The following UNC5D variants were observed in gnomAD, a reference collection of about 807,000 sequenced individuals.
The protein encoded by UNC5D is netrin receptor UNC5D.
A neutral mutation model predicts 105.4 loss-of-function variants in UNC5D; 39 were observed. The observed-to-expected ratio is 0.37, with a 90% CI of 0.29 to 0.48. The LOEUF is 0.48. Among genes scored for constraint, UNC5D ranks in the 20% least tolerant of loss-of-function variants. UNC5D has a pLI of 0.98. For synonymous variants in UNC5D, 452 were observed against 450.4 expected, an observed-to-expected ratio of 1.00 and a Z score of -0.04; for missense variants, 991 against 1,202.4, an observed-to-expected ratio of 0.82 and a Z score of 2.60.
intron 11 of UNC5D, among the ~76,000 whole-genome samples, chr8:35,745,422 G>C (rs1346164239): frequency 6.6e-6 from 1 of 152,110 alleles, no homozygotes; most frequent in Non-Finnish European, 1.5e-5. Context: ...GCTGCATGGG[G>C]GACAGGCTGT....
chr8:35,785,664 A>G (rs1445933238), intron 16 of UNC5D, among the ~76,000 whole-genome samples: 2 of 152,164 alleles, frequency 1.3e-5, no homozygotes, highest in African/African-American at 4.8e-5. Flanking sequence ...CCGAGCCTAT[A>G]TATTATTCTA....
intron 8 of UNC5D, among the ~76,000 whole-genome samples, chr8:35,707,572 T>C (rs886524404): frequency 1.3e-5 from 2 of 152,144 alleles, no homozygotes; most frequent in Non-Finnish European, 2.9e-5. Flanking sequence ...GTGGAGTAAG[T>C]GGACTCTTAC....
chr8:35,362,340 A>G (rs935601248), intron 1 of UNC5D, among the ~76,000 whole-genome samples: 2 of 152,216 alleles, frequency 1.3e-5, no homozygotes, highest in African/African-American at 4.8e-5. Flanking sequence ...TCCTTACAAG[A>G]AAATAGGTGT....
chr8:35,773,343 T>C (rs1265839659), intron 15 of UNC5D, among the ~76,000 whole-genome samples: 3 of 152,192 alleles, frequency 2.0e-5, no homozygotes, highest in Non-Finnish European at 4.4e-5. Context: ...TATACCACTA[T>C]ACAGGCTGGT....
At chr8:35,446,317 T>C (rs1229404239) in intron 1 of UNC5D, among the ~76,000 whole-genome samples, 2 of 152,068 alleles carry the variant, frequency 1.3e-5, no homozygotes, top group Non-Finnish European at 2.9e-5. Context: ...ACGTAACTCA[T>C]ATACCATATT....
chr8:35,238,003 A>G (rs1802579737), intron 1 of UNC5D, among the ~76,000 whole-genome samples: 1 of 152,164 alleles, frequency 6.6e-6, no homozygotes, highest in African/African-American at 2.4e-5. Flanking sequence ...TTGCCTGACC[A>G]CTAGTCTCAC....
chr8:35,346,943 C>G (rs115608354), intron 1 of UNC5D, among the ~76,000 whole-genome samples: 1,743 of 151,924 alleles, frequency 0.011, 40 homozygotes, highest in African/African-American at 0.041. Context: ...CCACATTGGA[C>G]CTCTTCAGAG....
intron 4 of UNC5D, among the ~76,000 whole-genome samples, chr8:35,658,734 C>G (rs1461061722): frequency 6.7e-6 from 1 of 149,026 alleles, no homozygotes; most frequent in African/African-American, 2.5e-5. Context: ...TCACTGCAAG[C>G]TCCGCCTCCT....
intron 1 of UNC5D, among the ~76,000 whole-genome samples, chr8:35,419,182 G>A (rs1214808176): frequency 1.3e-5 from 2 of 152,150 alleles, no homozygotes; most frequent in African/African-American, 4.8e-5. Context: ...TAAGTATGAT[G>A]CCAATCATAT....
chr8:35,651,974 C>T (rs1364819291), intron 4 of UNC5D, among the ~76,000 whole-genome samples: 1 of 152,072 alleles, frequency 6.6e-6, no homozygotes, highest in East Asian at 1.9e-4. Context: ...TTCTTGTGCA[C>T]CCATCCTGGT....
intron 4 of UNC5D, among the ~76,000 whole-genome samples, chr8:35,611,918 G>T (rs1445259779): frequency 1.3e-5 from 2 of 152,150 alleles, no homozygotes; most frequent in African/African-American, 4.8e-5. Flanking sequence ...GATTAAAATT[G>T]TTGAGTTCTC....
At chr8:35,395,436 A>T (rs994104705) in intron 1 of UNC5D, among the ~76,000 whole-genome samples, 2 of 152,226 alleles carry the variant, frequency 1.3e-5, no homozygotes, top group Non-Finnish European at 1.5e-5. Context: ...TATCAAAAAG[A>T]AAAGAAAACA....
chr8:35,434,385 G>T (rs1294357126), intron 1 of UNC5D, among the ~76,000 whole-genome samples: 1 of 151,456 alleles, frequency 6.6e-6, no homozygotes, highest in African/African-American at 2.4e-5. Context: ...TTTGGGTGGG[G>T]GTATTGGAAA....
intron 1 of UNC5D, among the ~76,000 whole-genome samples, chr8:35,378,869 A>G (rs1418281965): frequency 1.3e-5 from 2 of 152,158 alleles, no homozygotes; most frequent in Non-Finnish European, 2.9e-5. Flanking sequence ...GAACTCCTGT[A>G]GTAGCCTCAG....
At chr8:35,680,085 G>A (rs1294583211) in intron 4 of UNC5D, among the ~76,000 whole-genome samples, 6 of 152,148 alleles carry the variant, frequency 3.9e-5, no homozygotes, top group Admixed American at 3.9e-4. Context: ...TTCATGAGGG[G>A]AGAGTCCTCA....
chr8:35,724,818 T>G (rs1586535182), intron 9 of UNC5D, among the ~76,000 whole-genome samples: 1 of 152,154 alleles, frequency 6.6e-6, no homozygotes, highest in Non-Finnish European at 1.5e-5. Flanking sequence ...TGGTCCTGCT[T>G]CTTTCCTGGG....
At chr8:35,430,273 T>G (rs1806535943) in intron 1 of UNC5D, among the ~76,000 whole-genome samples, 1 of 152,082 alleles carries the variant, frequency 6.6e-6, no homozygotes, top group Admixed American at 6.5e-5. Context: ...ATTATTGGGT[T>G]CAGAGAGCTT....
intron 1 of UNC5D, among the ~76,000 whole-genome samples, chr8:35,284,883 G>A (rs1008490912): frequency 6.6e-6 from 1 of 152,050 alleles, no homozygotes; most frequent in African/African-American, 2.4e-5. Flanking sequence ...TTTTCTAGAA[G>A]CAAAATATTT....
intron 1 of UNC5D, among the ~76,000 whole-genome samples, chr8:35,388,055 T>G (rs1165328228): frequency 6.6e-6 from 1 of 152,046 alleles, no homozygotes; most frequent in Non-Finnish European, 1.5e-5. Flanking sequence ...CCTTAAGACC[T>G]GCTCAGGAAT....
Sources: gnomAD v4.1 joint callset for allele counts (sites outside exome capture counted in the v4.1 genomes callset) on GRCh38, gnomAD v4.1.1 for gene constraint, MANE v1.5 for transcripts, NCBI Gene and HGNC (gene_info 2026-07-23, HGNC 2026-07-21) for gene names.